The following EIPR1 variants were observed in gnomAD, a reference collection of about 807,000 sequenced individuals.
EIPR1 encodes the protein EARP complex and GARP complex interacting protein 1.
EIPR1 carries 25 observed loss-of-function variants against 48.1 expected under a neutral mutation model. That is an observed-to-expected ratio of 0.52 (90% CI 0.38 to 0.73). The LOEUF is 0.73. EIPR1 is among the 30% of genes least tolerant of loss of function. EIPR1 has a pLI of 0.00. For missense variants in EIPR1, 415 were observed against 506.2 expected, an observed-to-expected ratio of 0.82 and a Z score of 1.73; for synonymous variants, 204 against 201.9, an observed-to-expected ratio of 1.01 and a Z score of -0.09.
At chr2:3,203,093 T>C (rs1379280418) in intron 5 of EIPR1, among the ~76,000 whole-genome samples, 3 of 152,250 alleles carry the variant, frequency 2.0e-5, no homozygotes, top group Non-Finnish European at 4.4e-5. Flanking sequence ...GCTCATTTCC[T>C]AGTGAAATTA....
At chr2:3,296,961 A>C (rs1668620734) in intron 3 of EIPR1, among the ~76,000 whole-genome samples, 1 of 152,332 alleles carries the variant, frequency 6.6e-6, no homozygotes, top group East Asian at 1.9e-4. Context: ...TCCAATTAAG[A>C]GCTAATCTTG....
intron 2 of EIPR1, among the ~76,000 whole-genome samples, chr2:3,346,304 C>T (rs556492529): frequency 9.2e-5 from 14 of 152,300 alleles, no homozygotes; most frequent in Admixed American, 2.6e-4. Context: ...AGCAAAATCC[C>T]GGAAGTGGAT....
chr2:3,314,634 T>G (rs142596881), intron 3 of EIPR1, among the ~76,000 whole-genome samples: 2,421 of 147,754 alleles, frequency 0.016, 24 homozygotes, highest in Non-Finnish European at 0.026. Context: ...GCCAGCCTGT[T>G]GCCGTCCCTC....
In EIPR1 at chr2:3,286,420, AG is replaced by A. The variant is rs1668186594; in HGVS notation, c.260-28966del. Among the ~76,000 whole-genome samples, 1 of 152,114 alleles carries A rather than the reference AG, an allele frequency of 6.6e-6. No individual in the cohort carries two copies. The highest frequency in any genetic ancestry group is 6.5e-5 in the Admixed American group (1 of 15,278). ...CCCCAGGAGTGGGCCCAGAAGGAGC[AG>A]TGCCAAGGACCCCCGGGGGTGGGGC... is the stretch of plus-strand genomic sequence containing the variant. On this transcript the variant is annotated intron_variant, in intron 3 of 8. Coordinates refer to ENST00000382125, the MANE Select transcript of EIPR1 (RefSeq NM_003310.5). The surrounding 1 kb of genome is among the most constrained non-coding windows in gnomAD (Gnocchi z 4.2).
At chr2:3,210,561 G>A (rs1665410594) in intron 5 of EIPR1, among the ~76,000 whole-genome samples, 1 of 151,868 alleles carries the variant, frequency 6.6e-6, no homozygotes, top group African/African-American at 2.4e-5. Context: ...CAGGCGAGTC[G>A]AGGAGGTCCC....
intron 1 of EIPR1, among the ~76,000 whole-genome samples, chr2:3,375,223 A>C (rs2103397599): frequency 9.4e-6 from 1 of 106,578 alleles, no homozygotes; most frequent in East Asian, 3.1e-4. Context: ...CACTCTGGGG[A>C]CTGTTGTGGG....
intron 3 of EIPR1, among the ~76,000 whole-genome samples, chr2:3,337,062 G>GAAGGGAAGGGGGAAGGGAAGAGAA (rs1670086579): frequency 1.2e-5 from 1 of 83,302 alleles, no homozygotes; most frequent in Admixed American, 1.1e-4. Context: ...AGGGTAAAAA[G>GAAGGGAAGGGGGAAGGGAAGAGAA]AAGGGAAGGG....
chr2:3,202,342 T>TACTA (rs1339769316), intron 5 of EIPR1, among the ~76,000 whole-genome samples: 3 of 152,238 alleles, frequency 2.0e-5, no homozygotes, highest in Admixed American at 2.0e-4. Flanking sequence ...TTTTTACAGG[T>TACTA]ACTATTTCAG....
chr2:3,205,977 A>G (rs1410607131), intron 5 of EIPR1, among the ~76,000 whole-genome samples: 1 of 152,232 alleles, frequency 6.6e-6, no homozygotes, highest in Non-Finnish European at 1.5e-5. Flanking sequence ...TGGAACACTC[A>G]GAAGAGCTCT....
rs2103267580 is a variant in EIPR1 at position 3,286,947 on chromosome 2, C to T, written c.260-29492G>A. On this transcript the variant is annotated intron_variant, in intron 3 of 8. Transcript: ENST00000382125. This position sits in a 1 kb window ranked among gnomAD's most constrained non-coding sequence, Gnocchi z 4.2. ...GGCAGAGGGGGCGGTGGGGAGCACA[C>T]AGAGTGCCAGCCGGCAGAGGGGGCG... 6.7e-6 allele frequency among the ~76,000 whole-genome samples: 1 copy of T among 148,312 alleles called. No homozygotes were observed. Among genetic ancestry groups the T allele is most frequent in the South Asian group, 2.1e-4 (1 of 4,652 alleles).
intron 2 of EIPR1, among the ~76,000 whole-genome samples, chr2:3,343,415 G>A (rs978282484): frequency 1.3e-5 from 2 of 152,202 alleles, no homozygotes; most frequent in Non-Finnish European, 2.9e-5. Flanking sequence ...GATTACCAGG[G>A]CCCAAAAGAA....
intron 5 of EIPR1, among the ~76,000 whole-genome samples, chr2:3,199,025 A>ATATG (rs1235730815): frequency 8.0e-6 from 1 of 124,434 alleles, no homozygotes; most frequent in East Asian, 2.3e-4. Flanking sequence ...CTGCAACTGC[A>ATATG]TATGGCAGAC....
intron 3 of EIPR1, among the ~76,000 whole-genome samples, chr2:3,262,733 C>T (rs1321828078): frequency 2.0e-5 from 3 of 152,238 alleles, no homozygotes; most frequent in Non-Finnish European, 4.4e-5. Context: ...CCATCTGCAG[C>T]ACAGAACCAT....
chr2:3,314,172 C>T (rs2103313242), intron 3 of EIPR1, among the ~76,000 whole-genome samples: 1 of 152,342 alleles, frequency 6.6e-6, no homozygotes, highest in East Asian at 1.9e-4. Flanking sequence ...GCGTGATCTA[C>T]AGTCTTCCTG....
At chr2:3,205,137 G>A (rs1572290335) in intron 5 of EIPR1, among the ~76,000 whole-genome samples, 2 of 152,318 alleles carry the variant, frequency 1.3e-5, no homozygotes, top group Middle Eastern at 6.8e-3. Context: ...GTCCCAGGTT[G>A]TGCACCCTGG....
In EIPR1 at chr2:3,312,664, G is replaced by A. The variant is rs1212073363; in HGVS notation, c.259+25353C>T. Among the ~76,000 whole-genome samples, 2 of 152,194 alleles carry A rather than the reference G, an allele frequency of 1.3e-5. No homozygotes were observed. Among genetic ancestry groups the A allele is most frequent in the Non-Finnish European group, 2.9e-5 (2 of 68,034 alleles). The stretch of plus-strand genomic sequence containing the variant: ...CACGATGCCACTGCCTCTGTGCTCA[G>A]GGGATAACGGCGGGGTGGGGAAGAG... On this transcript the variant is annotated intron_variant, in intron 3 of 8. Coordinates refer to ENST00000382125, the MANE Select transcript of EIPR1 (RefSeq NM_003310.5). The surrounding 1 kb of genome is among the most constrained non-coding windows in gnomAD (Gnocchi z 5.5).
chr2:3,194,960 C>A (rs1029564522), intron 6 of EIPR1, among the ~76,000 whole-genome samples: 2 of 152,238 alleles, frequency 1.3e-5, no homozygotes, highest in African/African-American at 4.8e-5. Flanking sequence ...ACAGTGCGTG[C>A]GTTCTCACAC....
chr2:3,244,482 C>G (rs1666734810), intron 4 of EIPR1, among the ~76,000 whole-genome samples: 1 of 152,190 alleles, frequency 6.6e-6, no homozygotes, highest in African/African-American at 2.4e-5. Context: ...CAAGAATTCA[C>G]ATGTGGAAAT....
At chr2:3,201,653 G>C (rs961357517) in intron 5 of EIPR1, among the ~76,000 whole-genome samples, 1 of 152,168 alleles carries the variant, frequency 6.6e-6, no homozygotes, top group South Asian at 2.1e-4. Flanking sequence ...CAAAGCTACC[G>C]AGGAAGAAAA....
Sources: allele counts gnomAD v4.1 joint callset (sites outside exome capture counted in the v4.1 genomes callset), GRCh38; gene constraint gnomAD v4.1.1; non-coding constraint Gnocchi (gnomAD v3.1); transcripts MANE v1.5; gene names NCBI Gene and HGNC (gene_info 2026-07-23, HGNC 2026-07-21).